The following PLXNC1 variants were observed in gnomAD, a reference collection of about 807,000 sequenced individuals.
PLXNC1 encodes plexin C1.
In PLXNC1, 75 loss-of-function variants were observed where a neutral mutation model predicts 178.2. The observed-to-expected ratio is 0.42, with a 90% CI of 0.35 to 0.51. PLXNC1 has a LOEUF of 0.51. PLXNC1 is among the 20% of genes least tolerant of loss of function. The pLI, the probability that PLXNC1 is intolerant of heterozygous loss-of-function variation, is 0.02. For missense variants in PLXNC1, 1,503 were observed against 1,984.4 expected (o/e 0.76, Z 4.61); for synonymous variants, 790 against 779.9 (o/e 1.01, Z -0.22).
chr12:94,231,186 G>A (rs1469003229), intron 9 of PLXNC1, among the ~76,000 whole-genome samples: 1 of 152,160 alleles, frequency 6.6e-6, no homozygotes, highest in African/African-American at 2.4e-5. Flanking sequence ...TTTGATTGAT[G>A]GATGGATTGA....
chr12:94,154,007 G>A (rs930559891), intron 1 of PLXNC1, among the ~76,000 whole-genome samples: 1 of 152,162 alleles, frequency 6.6e-6, no homozygotes, highest in African/African-American at 2.4e-5. Flanking sequence ...AGACTAGATG[G>A]TGATTTTACC....
Position 94,149,097 on chromosome 12 carries a change from G to C in PLXNC1, c.126G>C (p.Ser42=), listed in dbSNP as rs1420680362. The C allele has an allele frequency of 6.3e-7, 1 of 1,581,594 alleles. No individual in the cohort carries two copies. The highest frequency in any genetic ancestry group is 1.4e-5 in the African/African-American group (1 of 72,264). Residue 42 remains serine (S), a synonymous_variant, in exon 1 of 31, where the codon TCG becomes TCC. Transcript: ENST00000258526. The part of the protein sequence containing the change: ...GRGADEPVWR[S]EQAIGAIAAS... ...GCGCGGACGAGCCCGTGTGGCGGTC[G>C]GAGCAAGCCATCGGAGCCATCGCGG...
intron 19 of PLXNC1, among the ~76,000 whole-genome samples, chr12:94,259,947 A>T (rs900191638): frequency 6.6e-6 from 1 of 151,832 alleles, no homozygotes; most frequent in African/African-American, 2.4e-5. Context: ...CCCATATTTT[A>T]TTTCCAAACC....
At chr12:94,180,628 C>T (rs943085495) in intron 2 of PLXNC1, among the ~76,000 whole-genome samples, 1 of 152,180 alleles carries the variant, frequency 6.6e-6, no homozygotes, top group East Asian at 1.9e-4. Context: ...TGTCCAATTT[C>T]AAAACCACTG....
At chr12:94,173,306 T>C (rs1961916153) in intron 2 of PLXNC1, among the ~76,000 whole-genome samples, 1 of 152,208 alleles carries the variant, frequency 6.6e-6, no homozygotes, top group African/African-American at 2.4e-5. Context: ...CATAGAAAAT[T>C]GTCCTTATTT....
chr12:94,192,973 A>G (rs902721405), intron 4 of PLXNC1, among the ~76,000 whole-genome samples: 1 of 152,188 alleles, frequency 6.6e-6, no homozygotes, highest in Non-Finnish European at 1.5e-5. Flanking sequence ...TCATGGGGGC[A>G]CATAAAATTA....
intron 9 of PLXNC1, among the ~76,000 whole-genome samples, chr12:94,237,282 G>A (rs1381203624): frequency 6.6e-6 from 1 of 152,160 alleles, no homozygotes; most frequent in African/African-American, 2.4e-5. Context: ...TCTGTCATTG[G>A]CCTACGGTCA....
chr12:94,280,636 C>T (rs1417835904), intron 22 of PLXNC1, among the ~76,000 whole-genome samples: 2 of 152,204 alleles, frequency 1.3e-5, no homozygotes, highest in Non-Finnish European at 2.9e-5. Flanking sequence ...ACCATTTTAG[C>T]TCATTTGGTT....
At chr12:94,244,252 C>A (rs190737938) in intron 12 of PLXNC1, among the ~76,000 whole-genome samples, 1 of 152,124 alleles carries the variant, frequency 6.6e-6, no homozygotes, top group Non-Finnish European at 1.5e-5. Context: ...GAACTTGGTA[C>A]GATAAGACCT....
intron 21 of PLXNC1, chr12:94,277,769 G>GT (rs1966086798): frequency 2.8e-6 from 1 of 363,352 alleles, no homozygotes; most frequent in African/African-American, 2.1e-5. Context: ...AATTGTACAG[G>GT]TTTTATTGCC....
intron 28 of PLXNC1, among the ~76,000 whole-genome samples, chr12:94,302,652 G>A (rs1370771053): frequency 6.6e-6 from 1 of 152,152 alleles, no homozygotes; most frequent in Non-Finnish European, 1.5e-5. Flanking sequence ...TCATTTTATA[G>A]ATGAGAAAAT....
rs189295092 is a variant in PLXNC1 at position 94,302,384 on chromosome 12, C to T, written c.4386+1327C>T. ...ATTCATCATAAACATTTTATTCATTCGACAAATATGATTTCCTAATGAGGA... is the reference window on the plus strand; with the variant it reads ...ATTCATCATAAACATTTTATTCATTTGACAAATATGATTTCCTAATGAGGA... On this transcript the variant is annotated intron_variant, in intron 28 of 30. Coordinates refer to ENST00000258526, the MANE Select transcript of PLXNC1 (RefSeq NM_005761.3). Among the ~76,000 whole-genome samples the T allele has an allele frequency of 5.0e-3, 745 of 148,592 alleles. 7 individuals carry two copies. Among genetic ancestry groups the T allele is most frequent in the African/African-American group, 0.018 (703 of 38,062 alleles).
chr12:94,212,422 C>G (rs1388600549), intron 5 of PLXNC1, among the ~76,000 whole-genome samples: 1 of 152,050 alleles, frequency 6.6e-6, no homozygotes, highest in African/African-American at 2.4e-5. Flanking sequence ...GTTTGCTGCA[C>G]CCATCAGCTC....
chr12:94,195,491 A>G (rs1473300437), intron 4 of PLXNC1, among the ~76,000 whole-genome samples: 1 of 152,142 alleles, frequency 6.6e-6, no homozygotes, highest in Admixed American at 6.5e-5. Flanking sequence ...CCCTACAGGA[A>G]AGAGCACACT....
intron 26 of PLXNC1, 67 bp from the exon 27 acceptor site, chr12:94,298,565 C>A: frequency 1.6e-6 from 2 of 1,244,176 alleles, no homozygotes; most frequent in Non-Finnish European, 2.2e-6. Flanking sequence ...TTTGCTTTTG[C>A]TATTATGTTT....
intron 2 of PLXNC1, among the ~76,000 whole-genome samples, chr12:94,171,262 C>T (rs1423458199): frequency 1.3e-5 from 2 of 152,142 alleles, no homozygotes; most frequent in African/African-American, 2.4e-5. Flanking sequence ...ACCGAAGTCT[C>T]GCTCTCCTCA....
chr12:94,227,982 A>C (rs903727875), intron 9 of PLXNC1, among the ~76,000 whole-genome samples: 1 of 152,242 alleles, frequency 6.6e-6, no homozygotes, highest in African/African-American at 2.4e-5. Context: ...TCTAGCAGAA[A>C]TAGACAAATT....
intron 1 of PLXNC1, among the ~76,000 whole-genome samples, chr12:94,151,166 G>C (rs902719561): frequency 6.6e-6 from 1 of 152,184 alleles, no homozygotes; most frequent in Non-Finnish European, 1.5e-5. Context: ...AAATGAATCA[G>C]AGAGGAAGGG....
At chr12:94,228,322 G>T (rs1964003032) in intron 9 of PLXNC1, among the ~76,000 whole-genome samples, 1 of 152,192 alleles carries the variant, frequency 6.6e-6, no homozygotes, top group African/African-American at 2.4e-5. Context: ...CAGCGACAAG[G>T]ACTTGGATCA....
Sources: gnomAD v4.1 joint callset for allele counts (sites outside exome capture counted in the v4.1 genomes callset) on GRCh38, gnomAD v4.1.1 for gene constraint, MANE v1.5 for transcripts, NCBI Gene and HGNC (gene_info 2026-07-23, HGNC 2026-07-21) for gene names.